The following LRGUK variants were observed in gnomAD, a reference collection of about 807,000 sequenced individuals.
LRGUK encodes the protein leucine-rich repeat and guanylate kinase domain-containing protein.
Under a neutral mutation model 76.0 loss-of-function variants are expected in LRGUK, and 65 were observed. The observed-to-expected ratio is 0.85, with a 90% confidence interval of 0.70 to 1.05. The LOEUF is 1.05. Among genes scored for constraint, LRGUK ranks in the 50% least tolerant of loss-of-function variants. The pLI is 0.00. For synonymous variants in LRGUK, 268 were observed against 265.6 expected (o/e 1.01, Z -0.09); for missense variants, 758 against 732.8 (o/e 1.03, Z -0.40).
intron 15 of LRGUK, among the ~76,000 whole-genome samples, chr7:134,220,137 T>C (rs968279456): frequency 6.6e-6 from 1 of 152,192 alleles, no homozygotes; most frequent in Non-Finnish European, 1.5e-5. Flanking sequence ...TCACAGAGAT[T>C]CAACAGAGAA....
At chr7:134,276,017 A>C in the LRGUK span, among the ~76,000 whole-genome samples, 1 of 152,170 alleles carries the variant, frequency 6.6e-6, no homozygotes, top group African/African-American at 2.4e-5. Flanking sequence ...CAGTATCAAG[A>C]CTCATGGTGA....
At chr7:134,148,381 A>G in intron 5 of LRGUK, 62 bp downstream of exon 5, 3 of 964,920 alleles carry the variant, frequency 3.1e-6, no homozygotes, top group Non-Finnish European at 4.7e-6. Flanking sequence ...AAGACTACAT[A>G]TTCAAGAATT....
intron 5 of LRGUK, among the ~76,000 whole-genome samples, chr7:134,150,709 C>G (rs1012629095): frequency 2.6e-5 from 4 of 152,092 alleles, no homozygotes; most frequent in Admixed American, 1.3e-4. Flanking sequence ...ACTCAAAACA[C>G]AGTTGAAAAC....
chr7:134,257,687 C>T (rs981652559), intron 18 of LRGUK, among the ~76,000 whole-genome samples: 2 of 152,046 alleles, frequency 1.3e-5, no homozygotes, highest in African/African-American at 4.8e-5. Flanking sequence ...GCCTGTGGTC[C>T]CAGCTACTAG....
At chr7:134,235,599 A>C (rs561260129) in intron 16 of LRGUK, among the ~76,000 whole-genome samples, 1 of 151,942 alleles carries the variant, frequency 6.6e-6, no homozygotes, top group Admixed American at 6.6e-5. Flanking sequence ...TTGCTTATCT[A>C]TTATGCTTGT....
chr7:134,180,560 A>C (rs893869645), intron 10 of LRGUK, among the ~76,000 whole-genome samples: 1 of 152,172 alleles, frequency 6.6e-6, no homozygotes, highest in Admixed American at 6.5e-5. Context: ...TAAGGGACAC[A>C]GAGGAAGATG....
intron 7 of LRGUK, among the ~76,000 whole-genome samples, chr7:134,171,223 C>A (rs1269812542): frequency 1.3e-5 from 2 of 151,456 alleles, no homozygotes; most frequent in African/African-American, 4.9e-5. Flanking sequence ...TTATTCTGTT[C>A]CATTGATCTG....
chr7:134,257,678 C>A (rs1036577865), intron 18 of LRGUK, among the ~76,000 whole-genome samples: 1 of 152,070 alleles, frequency 6.6e-6, no homozygotes, highest in Non-Finnish European at 1.5e-5. Flanking sequence ...ATGGTGCATG[C>A]CTGTGGTCCC....
intron 15 of LRGUK, among the ~76,000 whole-genome samples, chr7:134,202,067 G>A (rs1253819671): frequency 1.3e-5 from 2 of 152,140 alleles, no homozygotes; most frequent in African/African-American, 4.8e-5. Flanking sequence ...TCTTGGGTGA[G>A]CTCCTTCGCT....
downstream of LRGUK, among the ~76,000 whole-genome samples, chr7:134,214,793 C>T (rs1244251944): frequency 6.6e-6 from 1 of 151,688 alleles, no homozygotes; most frequent in Non-Finnish European, 1.5e-5. Context: ...CACACACACA[C>T]ACACACACAC....
At chr7:134,161,658 A>T (rs936479395) in intron 6 of LRGUK, among the ~76,000 whole-genome samples, 2 of 151,832 alleles carry the variant, frequency 1.3e-5, no homozygotes, top group African/African-American at 4.8e-5. Flanking sequence ...GTACCAGGGA[A>T]AATATAGAGG....
chr7:134,254,024 A>G (rs186104733), intron 18 of LRGUK, among the ~76,000 whole-genome samples: 6 of 152,360 alleles, frequency 3.9e-5, no homozygotes, highest in Admixed American at 1.3e-4. Context: ...TCCTCAACAG[A>G]TAAATGAGCA....
chr7:134,218,668 C>T (rs1028663113), intron 15 of LRGUK, among the ~76,000 whole-genome samples: 1 of 152,132 alleles, frequency 6.6e-6, no homozygotes, highest in African/African-American at 2.4e-5. Context: ...CCTATTTAGT[C>T]TGTTTGATGA....
chr7:134,235,979 C>T (rs1326714227), intron 16 of LRGUK, among the ~76,000 whole-genome samples: 2 of 152,136 alleles, frequency 1.3e-5, no homozygotes. Flanking sequence ...TAAGATATCA[C>T]ATTTTTAGTA....
At position 134,248,648 on chromosome 7, in the gene LRGUK, A is replaced by G. The variant is rs541238128; in HGVS notation, c.2073-303A>G. Among the ~76,000 whole-genome samples the G allele has an allele frequency of 6.6e-5, 10 of 152,366 alleles. No individual in the cohort carries two copies. The East Asian group carries it at 1.9e-3, about 29-fold the overall frequency. On this transcript the variant is annotated intron_variant, in intron 17 of 19. Transcript: ENST00000285928. Reference sequence around the variant, plus strand: ...CTTTTATAGCAGTTGATATATTGCTAGCCCTTGCATAACAAATGGACTAGG... The same window carrying G: ...CTTTTATAGCAGTTGATATATTGCTGGCCCTTGCATAACAAATGGACTAGG...
chr7:134,259,417 C>T (rs1192282987), intron 19 of LRGUK, among the ~76,000 whole-genome samples: 2 of 152,228 alleles, frequency 1.3e-5, no homozygotes, highest in Non-Finnish European at 2.9e-5. Flanking sequence ...CTCTCTAATG[C>T]ATGGAGGCTA....
intron 8 of LRGUK, 64 bp from the exon 9 acceptor site, chr7:134,176,913 T>G (rs1799504182): frequency 1.1e-6 from 1 of 945,678 alleles, no homozygotes; most frequent in South Asian, 1.5e-5. Flanking sequence ...GAAAACCCAA[T>G]GCTGGTGCTT....
chr7:134,272,179 C>A, the LRGUK span, among the ~76,000 whole-genome samples: 18 of 152,090 alleles, frequency 1.2e-4, no homozygotes, highest in African/African-American at 4.1e-4. Context: ...AAAGAAGTTT[C>A]ATTTTCTTCC....
At chr7:134,200,122 C>T (rs887765032) in intron 14 of LRGUK, among the ~76,000 whole-genome samples, 6 of 148,872 alleles carry the variant, frequency 4.0e-5, no homozygotes, top group Admixed American at 1.3e-4. Flanking sequence ...CCTCTTCCTC[C>T]GCCTCCCAGG....
Sources: allele counts gnomAD v4.1 joint callset (sites outside exome capture counted in the v4.1 genomes callset), GRCh38; gene constraint gnomAD v4.1.1; transcripts MANE v1.5; gene names NCBI Gene and HGNC (gene_info 2026-07-23, HGNC 2026-07-21).